Variants in ANO3 observed in about 807,000 individuals in gnomAD.
ANO3 encodes anoctamin 3, also known as anoctamin-3.
Under a neutral mutation model 144.8 loss-of-function variants are expected in ANO3, and 99 were observed. That is an observed-to-expected ratio of 0.68 (90% CI 0.58 to 0.81). ANO3 has a LOEUF of 0.81. Among genes scored for constraint, ANO3 ranks in the 30% least tolerant of loss-of-function variants. The pLI, the probability that ANO3 is intolerant of heterozygous loss-of-function variation, is 0.00. For synonymous variants in ANO3, 414 were observed against 392.6 expected (o/e 1.05, Z -0.64); for missense variants, 905 against 1,202.2 (o/e 0.75, Z 3.66).
At chr11:26,337,673 G>A (rs1332946365) in intron 1 of ANO3, among the ~76,000 whole-genome samples, 6 of 152,034 alleles carry the variant, frequency 3.9e-5, no homozygotes, top group East Asian at 3.8e-4. Context: ...AAATGTTAGC[G>A]TAAAAATTAT....
intron 1 of ANO3, among the ~76,000 whole-genome samples, chr11:26,290,133 T>C (rs1853921285): frequency 6.6e-6 from 1 of 152,148 alleles, no homozygotes. Flanking sequence ...CCTGGTTTAG[T>C]CTTGGGAGGG....
At chr11:26,267,425 G>A (rs1853340623) in intron 1 of ANO3, among the ~76,000 whole-genome samples, 1 of 152,148 alleles carries the variant, frequency 6.6e-6, no homozygotes, top group African/African-American at 2.4e-5. Flanking sequence ...AGGATTCATA[G>A]TAAGAGATCA....
intron 4 of ANO3, among the ~76,000 whole-genome samples, chr11:26,484,504 T>A (rs1030887796): frequency 6.6e-6 from 1 of 152,166 alleles, no homozygotes. Context: ...AGCCTCCACC[T>A]AGATTTCACA....
intron 24 of ANO3, among the ~76,000 whole-genome samples, chr11:26,654,462 A>C (rs1054422075): frequency 2.0e-5 from 3 of 152,004 alleles, no homozygotes; most frequent in African/African-American, 2.4e-5. Flanking sequence ...CCTTGTATCT[A>C]TCTAGTGACC....
intron 23 of ANO3, among the ~76,000 whole-genome samples, chr11:26,645,978 T>C (rs1411856497): frequency 6.6e-6 from 1 of 152,194 alleles, no homozygotes; most frequent in Non-Finnish European, 1.5e-5. Context: ...AAGTGTTTTC[T>C]AAACTACTGG....
chr11:26,211,893 GA>G (rs139568202), intron 1 of ANO3, among the ~76,000 whole-genome samples: 6,576 of 152,184 alleles, frequency 0.043, 199 homozygotes, highest in Middle Eastern at 0.065. Context: ...TAAAAAGAAT[GA>G]GTTCACCTTT....
At chr11:26,225,224 A>G (rs928002534) in intron 1 of ANO3, among the ~76,000 whole-genome samples, 4 of 152,278 alleles carry the variant, frequency 2.6e-5, no homozygotes, top group South Asian at 2.1e-4. Flanking sequence ...TTCTGGCTTG[A>G]GAACAGGAAT....
intron 1 of ANO3, among the ~76,000 whole-genome samples, chr11:26,368,823 T>A (rs911163910): frequency 6.6e-6 from 1 of 152,162 alleles, no homozygotes; most frequent in Non-Finnish European, 1.5e-5. Context: ...TTTGTTTTTT[T>A]CAAGTACTCT....
At chr11:26,259,953 A>G (rs566222669) in intron 1 of ANO3, among the ~76,000 whole-genome samples, 1 of 152,120 alleles carries the variant, frequency 6.6e-6, no homozygotes, top group African/African-American at 2.4e-5. Context: ...TTGCCACCAC[A>G]GTAAAAGGAC....
At chr11:26,385,893 G>GTGTATATATATATATATATATATA (rs1183332896) in intron 1 of ANO3, among the ~76,000 whole-genome samples, 4 of 143,772 alleles carry the variant, frequency 2.8e-5, no homozygotes, top group African/African-American at 1.1e-4. Context: ...CTTTGTGTGT[G>GTGTATATATATATATATATATATA]TATATATATT....
intron 1 of ANO3, among the ~76,000 whole-genome samples, chr11:26,425,390 G>T (rs1024112206): frequency 6.6e-6 from 1 of 151,848 alleles, no homozygotes; most frequent in Non-Finnish European, 1.5e-5. Context: ...CGGTATCTCT[G>T]CTTGTGTTTC....
intron 4 of ANO3, 143 bp from the exon 5 acceptor site, chr11:26,507,961 A>G: frequency 1.4e-6 from 1 of 710,016 alleles, no homozygotes; most frequent in East Asian, 3.2e-5. Context: ...ACACTCTTTA[A>G]TTCTATTTCC....
chr11:26,528,326 T>C (rs1849218338), intron 7 of ANO3, among the ~76,000 whole-genome samples: 1 of 152,176 alleles, frequency 6.6e-6, no homozygotes, highest in South Asian at 2.1e-4. Context: ...CCTTGCATTG[T>C]GGTATTCAAA....
chr11:26,305,819 T>C (rs1308830915), upstream of ANO3, among the ~76,000 whole-genome samples: 2 of 152,224 alleles, frequency 1.3e-5, no homozygotes, highest in African/African-American at 4.8e-5. Context: ...TAGGGCTCGC[T>C]CATTATGGAG....
chr11:26,223,727 C>A (rs540343198), intron 1 of ANO3, among the ~76,000 whole-genome samples: 2 of 151,766 alleles, frequency 1.3e-5, no homozygotes, highest in African/African-American at 4.8e-5. Context: ...TCTGGTGAGA[C>A]CTCAGGTCGT....
chr11:26,588,239 GTAT>G (rs1474686757), intron 14 of ANO3, among the ~76,000 whole-genome samples: 1 of 152,076 alleles, frequency 6.6e-6, no homozygotes, highest in Non-Finnish European at 1.5e-5. Flanking sequence ...TTAGCTATTT[GTAT>G]TATTAATTGT....
chr11:26,306,877 GGGTAATTTGA>G (rs202114031), upstream of ANO3, among the ~76,000 whole-genome samples: 4,215 of 119,174 alleles, frequency 0.035, 87 homozygotes, highest in East Asian at 0.13. Flanking sequence ...CTAGCCAACT[GGGTAATTTGA>G]GGTTTCTTTT....
At chr11:26,496,421 T>C (rs560256743) in intron 4 of ANO3, among the ~76,000 whole-genome samples, 2 of 152,212 alleles carry the variant, frequency 1.3e-5, no homozygotes, top group East Asian at 1.9e-4. Flanking sequence ...CAGATGTCCT[T>C]GGAGGTAATA....
At chr11:26,539,825 C>A (rs1849600878) in intron 10 of ANO3, among the ~76,000 whole-genome samples, 1 of 152,170 alleles carries the variant, frequency 6.6e-6, no homozygotes, top group South Asian at 2.1e-4. Context: ...TCTAAGTTGA[C>A]TCTCGTAAAA....
Sources: gnomAD v4.1 joint callset for allele counts (sites outside exome capture counted in the v4.1 genomes callset) on GRCh38, gnomAD v4.1.1 for gene constraint, MANE v1.5 for transcripts, NCBI Gene and HGNC (gene_info 2026-07-23, HGNC 2026-07-21) for gene names.